The following GRIK5 variants were observed in gnomAD, a reference collection of about 807,000 sequenced individuals.
GRIK5 encodes the protein glutamate ionotropic receptor kainate type subunit 5, also known as glutamate receptor ionotropic, kainate 5.
Under a neutral mutation model 97.4 loss-of-function variants are expected in GRIK5, and 43 were observed. The observed-to-expected ratio is 0.44, with a 90% CI of 0.35 to 0.57. GRIK5 has a LOEUF of 0.57. Among genes scored for constraint, GRIK5 ranks in the 20% least tolerant of loss-of-function variants. The pLI, the probability that GRIK5 is intolerant of heterozygous loss-of-function variation, is 0.01. For missense variants in GRIK5, 1,015 were observed against 1,382.0 expected, an observed-to-expected ratio of 0.73 and a Z score of 4.21; for synonymous variants, 580 against 583.5, an observed-to-expected ratio of 0.99 and a Z score of 0.09.
chr19:41,998,521 C>T lies in GRIK5; in HGVS notation c.*350G>A, dbSNP rs192050399. The stretch of plus-strand genomic sequence containing the variant: ...CAGAGGCCCTCCCCACCTCCAGAAG[C>T]GTGGGGGGCTGCGTCAAGTCTTGGG... On this transcript the variant is annotated 3_prime_UTR_variant, in exon 20 of 20. Transcript: ENST00000593562. The T allele has an allele frequency of 2.4e-3, 375 of 153,218 alleles. 1 individual carries two copies. The highest frequency in any genetic ancestry group is 4.3e-3 in the Non-Finnish European group (294 of 68,636). 9.5% of individuals were successfully genotyped at this position (153,218 alleles called of 1,614,324 possible).
chr19:42,047,957 A>G lies in GRIK5; in HGVS notation c.1270-5202T>C, dbSNP rs912970753. Among the ~76,000 whole-genome samples, 5 of 140,972 alleles carry G rather than the reference A, an allele frequency of 3.5e-5. No individual in the cohort carries two copies. The Admixed American group carries it at 3.8e-4, about 11-fold the overall frequency. The allele number at this position is 140,972 out of a possible 152,430, so 92.5% of individuals were successfully genotyped here. Reference sequence around the variant, plus strand: ...TACTACATTCCAGCCTGGGCAACAGAGTGAGACTCTGTCTCAAAAAAAAAA... The same window carrying G: ...TACTACATTCCAGCCTGGGCAACAGGGTGAGACTCTGTCTCAAAAAAAAAA... On this transcript the variant is annotated intron_variant, in intron 11 of 19. Transcript: ENST00000593562.
At chr19:42,058,931 A>T (rs1162502060) in intron 6 of GRIK5, among the ~76,000 whole-genome samples, 1 of 152,144 alleles carries the variant, frequency 6.6e-6, no homozygotes, top group Non-Finnish European at 1.5e-5. Context: ...ATGTAGCCAG[A>T]TCTGACTCGG....
At chr19:42,067,084 T>C (rs1355629910) in intron 1 of GRIK5, among the ~76,000 whole-genome samples, 2 of 152,196 alleles carry the variant, frequency 1.3e-5, no homozygotes, top group African/African-American at 4.8e-5. Context: ...ACAGCTCCAC[T>C]TCCCCTGGCT....
Position 42,065,949 on chromosome 19 carries a change from GAGCCCTGCTCTGTTT to G in GRIK5, c.-50-144_-50-130del. On this transcript the variant is annotated intron_variant, in intron 1 of 19. Coordinates refer to ENST00000593562, the MANE Select transcript of GRIK5 (RefSeq NM_002088.5). This position sits in a 1 kb window ranked among gnomAD's most constrained non-coding sequence, Gnocchi z 5.8. ...TTGGCAAGCAGTTCACAGCTCTGCAGAGCCCTGCTCTGTTTAGAAGCTGGCAATACTGAGGGCATT... is the reference window on the plus strand; with the variant it reads ...TTGGCAAGCAGTTCACAGCTCTGCAGAGAAGCTGGCAATACTGAGGGCATT... 1 of 616,808 alleles carries G rather than the reference GAGCCCTGCTCTGTTT, an allele frequency of 1.6e-6. No homozygotes were observed. The highest frequency in any genetic ancestry group is 2.5e-5 in the Admixed American group (1 of 39,520). The allele number at this position is 616,808 out of a possible 1,614,324, so 38.2% of individuals were successfully genotyped here. A position where few individuals can be genotyped will look rare whatever the true frequency, so the allele number is the denominator to read the frequency against.
chr19:42,049,856 C>T (rs1433317347), intron 11 of GRIK5, among the ~76,000 whole-genome samples: 4 of 152,158 alleles, frequency 2.6e-5, no homozygotes, highest in African/African-American at 9.7e-5. Context: ...GGATCCAAAT[C>T]CTTGTCCAGG....
chr19:42,061,323 C>T (rs565939666), intron 5 of GRIK5, among the ~76,000 whole-genome samples: 100 of 152,310 alleles, frequency 6.6e-4, no homozygotes, highest in Non-Finnish European at 3.7e-4. Context: ...GGATTACAGG[C>T]GTGAGCCATC....
chr19:42,009,935 G>A (rs1450243398), intron 15 of GRIK5, among the ~76,000 whole-genome samples: 1 of 151,224 alleles, frequency 6.6e-6, no homozygotes, highest in Non-Finnish European at 1.5e-5. Flanking sequence ...GCATGGTGGT[G>A]CACGCCTGTA....
Position 42,065,207 on chromosome 19 carries a change from C to A in GRIK5, c.244+16G>T. On this transcript the variant is annotated intron_variant, in intron 3 of 19. Coordinates refer to ENST00000593562, the MANE Select transcript of GRIK5 (RefSeq NM_002088.5). This position sits in a 1 kb window ranked among gnomAD's most constrained non-coding sequence, Gnocchi z 5.8. ...ACCTGCCCTGCCTCACCCCACGCCC[C>A]CATGGCCCCGCTCACTGGTGTCCGT... 1 of 1,600,878 alleles carries A rather than the reference C, an allele frequency of 6.2e-7. No individual in the cohort carries two copies. Among genetic ancestry groups the A allele is most frequent in the Non-Finnish European group, 8.5e-7 (1 of 1,171,490 alleles).
Position 42,011,116 on chromosome 19 carries a change from AAC to A in GRIK5, c.1872-4308_1872-4307del, listed in dbSNP as rs112305468. 4.8e-3 allele frequency among the ~76,000 whole-genome samples: 693 copies of A among 145,498 alleles called. 2 individuals carry two copies. Among genetic ancestry groups the A allele is most frequent in the East Asian group, 0.026 (130 of 4,982 alleles). On this transcript the variant is annotated intron_variant, in intron 15 of 19. Coordinates refer to ENST00000593562, the MANE Select transcript of GRIK5 (RefSeq NM_002088.5). ...GCACCACACCCAGCATTTACTATCT[AAC>A]ACACACACACACACACACACACACC...
Position 42,042,702 on chromosome 19 carries a change from T to C in GRIK5, c.1323A>G (p.Glu441=). Reference sequence around the variant, plus strand: ...TGTCCACGCAGAAGCCCTCGAAGCGTTCGTTCCCCGACAGGGCCTGGAAGT... The same window carrying C: ...TGTCCACGCAGAAGCCCTCGAAGCGCTCGTTCCCCGACAGGGCCTGGAAGT... The part of the protein sequence containing the change: ...RPNFQALSGN[E]RFEGFCVDML... The change falls in exon 12 of 20, where the codon GAA becomes GAG. Residue 441 remains glutamate, a synonymous_variant. Coordinates refer to ENST00000593562, the MANE Select transcript of GRIK5 (RefSeq NM_002088.5). This position sits in a 1 kb window ranked among gnomAD's most constrained non-coding sequence, Gnocchi z 6.9. The C allele has an allele frequency of 6.2e-7, 1 of 1,613,714 alleles. No homozygotes were observed. The highest frequency in any genetic ancestry group is 2.2e-5 in the East Asian group (1 of 44,872).
intron 17 of GRIK5, among the ~76,000 whole-genome samples, chr19:42,004,811 G>C (rs952182370): frequency 3.9e-5 from 6 of 152,138 alleles, no homozygotes; most frequent in Non-Finnish European, 7.4e-5. Flanking sequence ...ACAGGGTCTT[G>C]CTATATTGCC....
In GRIK5 at chr19:42,056,716, G is replaced by A; in HGVS notation, c.849C>T (p.Ser283=). Residue 283 remains serine (S), a synonymous_variant, in exon 8 of 20, where the codon AGC becomes AGT. Coordinates refer to ENST00000593562, the MANE Select transcript of GRIK5 (RefSeq NM_002088.5). Reference sequence around the variant, plus strand: ...AGTTCTCCCTCCAGGACATGTTGAGGCTGCGGACAAACTCAGGGTAGAAGG... The same window carrying A: ...AGTTCTCCCTCCAGGACATGTTGAGACTGCGGACAAACTCAGGGTAGAAGG... ...SHPFYPEFVR[S]LNMSWRENCE... 6.2e-7 allele frequency: 1 copy of A among 1,614,120 alleles called. No individual in the cohort carries two copies. Among genetic ancestry groups the A allele is most frequent in the Non-Finnish European group, 8.5e-7 (1 of 1,179,950 alleles).
intron 12 of GRIK5, among the ~76,000 whole-genome samples, chr19:42,031,217 C>T (rs1341778076): frequency 6.6e-6 from 1 of 152,230 alleles, no homozygotes; most frequent in African/African-American, 2.4e-5. Flanking sequence ...GCCTTCTGTA[C>T]AGGCCAAACA....
chr19:42,042,660 G>T lies in GRIK5; in HGVS notation c.1365C>A (p.Ala455=), dbSNP rs757152676. The T allele has an allele frequency of 2.5e-6, 4 of 1,613,464 alleles. No homozygotes were observed. The Admixed American group carries it at 5.0e-5, about 20-fold the overall frequency. The change falls in exon 12 of 20, where the codon GCC becomes GCA. Residue 455 remains alanine (A), a synonymous_variant. Transcript: ENST00000593562. This position sits in a 1 kb window ranked among gnomAD's most constrained non-coding sequence, Gnocchi z 6.9. ...GFCVDMLREL[A]ELLRFRYRLR... ...GGCGGTAGCGGAAGCGCAGCAGCTC[G>T]GCCAGCTCCCGCAGCATGTCCACGC... is the stretch of plus-strand genomic sequence containing the variant.
chr19:42,051,880 C>T (rs2076121426), intron 11 of GRIK5, among the ~76,000 whole-genome samples: 1 of 152,200 alleles, frequency 6.6e-6, no homozygotes, highest in Non-Finnish European at 1.5e-5. Flanking sequence ...GGGCACCCAA[C>T]TCCTATGCAA....
intron 12 of GRIK5, among the ~76,000 whole-genome samples, chr19:42,039,648 G>A (rs145359564): frequency 2.5e-3 from 387 of 152,288 alleles, no homozygotes; most frequent in African/African-American, 9.0e-3. Context: ...TGGCTGAATG[G>A]AAAATGGATG....
Position 42,003,288 on chromosome 19 carries a change from T to TG in GRIK5, c.2514+43dup, listed in dbSNP as rs782586349. ...CACAATCTTCACGCACCTCAGCCCC[T>TG]GGGGGTCCCTGTTCCTGCCCACCCC... On this transcript the variant is annotated intron_variant, in intron 19 of 19. Coordinates refer to ENST00000593562, the MANE Select transcript of GRIK5 (RefSeq NM_002088.5). The surrounding 1 kb of genome is among the most constrained non-coding windows in gnomAD (Gnocchi z 4.2). 4.4e-6 allele frequency: 7 copies of TG among 1,587,038 alleles called. No individual in the cohort carries two copies. The highest frequency in any genetic ancestry group is 2.7e-5 in the African/African-American group (2 of 74,552).
chr19:42,059,668 G>T (rs374094992), intron 5 of GRIK5, 141 bp from the exon 6 acceptor site: 2 of 672,200 alleles, frequency 3.0e-6, no homozygotes, highest in Non-Finnish European at 2.5e-6. Context: ...GTCCCATGGG[G>T]TAATGGGCTT....
chr19:42,035,432 C>T (rs1425491425), intron 12 of GRIK5, among the ~76,000 whole-genome samples: 1 of 152,124 alleles, frequency 6.6e-6, no homozygotes, highest in African/African-American at 2.4e-5. Flanking sequence ...TTAGGCTGGG[C>T]ATGGTGGCTT....
Sources: gnomAD v4.1 joint callset for allele counts (sites outside exome capture counted in the v4.1 genomes callset) on GRCh38, gnomAD v4.1.1 for gene constraint, Gnocchi (gnomAD v3.1) non-coding constraint, MANE v1.5 for transcripts, NCBI Gene and HGNC (gene_info 2026-07-23, HGNC 2026-07-21) for gene names.